Variants in SUGCT observed in about 807,000 individuals in gnomAD.
SUGCT encodes succinyl-CoA:glutarate CoA-transferase.
SUGCT carries 41 observed loss-of-function variants against 55.0 expected under a neutral mutation model. That is an observed-to-expected ratio of 0.74 (90% CI 0.58 to 0.97). The LOEUF is 0.97. Among genes scored for constraint, SUGCT ranks in the 50% least tolerant of loss-of-function variants. The probability of loss-of-function intolerance (pLI) is 0.00; values close to 1 mark genes in which losing one functional copy is unlikely to be tolerated. For missense variants in SUGCT, 568 were observed against 547.8 expected, an observed-to-expected ratio of 1.04 and a Z score of -0.37; for synonymous variants, 187 against 200.4, an observed-to-expected ratio of 0.93 and a Z score of 0.56.
chr7:40,975,758 A>C, the SUGCT span, among the ~76,000 whole-genome samples: 1 of 152,212 alleles, frequency 6.6e-6, no homozygotes, highest in South Asian at 2.1e-4. Flanking sequence ...CTTAGATGCA[A>C]GGGAGAGAGG....
At chr7:40,267,815 C>T (rs1374817467) in intron 7 of SUGCT, among the ~76,000 whole-genome samples, 2 of 152,164 alleles carry the variant, frequency 1.3e-5, no homozygotes, top group Non-Finnish European at 2.9e-5. Flanking sequence ...GGCATTCTGA[C>T]AACTTTTCAA....
chr7:40,180,491 G>A (rs1785135989), intron 1 of SUGCT, among the ~76,000 whole-genome samples: 1 of 151,210 alleles, frequency 6.6e-6, no homozygotes, highest in Non-Finnish European at 1.5e-5. Context: ...TGAGCTTCCA[G>A]TATTTTTTTT....
At chr7:40,200,775 T>G (rs183160689) in intron 6 of SUGCT, among the ~76,000 whole-genome samples, 19 of 152,232 alleles carry the variant, frequency 1.2e-4, no homozygotes, top group Non-Finnish European at 2.4e-4. Context: ...AATTCCTGGT[T>G]GACTGACTTC....
Position 40,567,953 on chromosome 7 carries a change from C to T in SUGCT, c.1089+71567C>T, listed in dbSNP as rs549363395. 2.6e-5 allele frequency among the ~76,000 whole-genome samples: 4 copies of T among 152,312 alleles called. No homozygotes were observed. In the South Asian group the frequency reaches 8.3e-4, roughly 32 times the overall value. On this transcript the variant is annotated intron_variant, in intron 12 of 13. Transcript: ENST00000335693. Reference sequence around the variant, plus strand: ...GAAAGACTGTAACTTATGTAAGACACTAGCTTACATGAGGGCTTATTAGAC... The same window carrying T: ...GAAAGACTGTAACTTATGTAAGACATTAGCTTACATGAGGGCTTATTAGAC...
the SUGCT span, among the ~76,000 whole-genome samples, chr7:40,993,405 CT>C: frequency 6.6e-6 from 1 of 152,180 alleles, no homozygotes; most frequent in Non-Finnish European, 1.5e-5. Flanking sequence ...ATGCGAGAGG[CT>C]TACAAATGGA....
chr7:40,139,135 T>TC (rs1787847214), intron 1 of SUGCT, among the ~76,000 whole-genome samples: 1 of 63,272 alleles, frequency 1.6e-5, no homozygotes, highest in African/African-American at 8.6e-5. Context: ...CAAAAATAAA[T>TC]AAATAAATAA....
chr7:40,552,441 CT>C (rs1211311332), intron 12 of SUGCT, among the ~76,000 whole-genome samples: 6 of 152,078 alleles, frequency 3.9e-5, no homozygotes, highest in African/African-American at 1.4e-4. Flanking sequence ...GTCCCTGCAC[CT>C]GGGCTCACCC....
chr7:40,941,227 C>T, the SUGCT span, among the ~76,000 whole-genome samples: 21 of 152,078 alleles, frequency 1.4e-4, no homozygotes, highest in African/African-American at 4.1e-4. Flanking sequence ...ATGCTGTAAA[C>T]ATTCCTTTTA....
intron 12 of SUGCT, among the ~76,000 whole-genome samples, chr7:40,690,144 A>G (rs548802722): frequency 6.6e-6 from 1 of 152,332 alleles, no homozygotes; most frequent in African/African-American, 2.4e-5. Flanking sequence ...TGTTGAGTCC[A>G]AAAAGGATGC....
At chr7:40,668,389 A>G (rs1801759243) in intron 12 of SUGCT, among the ~76,000 whole-genome samples, 1 of 152,164 alleles carries the variant, frequency 6.6e-6, no homozygotes, top group Non-Finnish European at 1.5e-5. Flanking sequence ...TAGATTCATT[A>G]TATGTAACTG....
At chr7:40,594,851 C>T (rs1237850960) in intron 12 of SUGCT, among the ~76,000 whole-genome samples, 3 of 152,166 alleles carry the variant, frequency 2.0e-5, no homozygotes, top group Non-Finnish European at 2.9e-5. Flanking sequence ...CCCATCTGCT[C>T]GGCTTCCCTG....
At position 40,245,438 on chromosome 7, in the gene SUGCT, T is replaced by A. The variant is rs900989893; in HGVS notation, c.576+7712T>A. Among the ~76,000 whole-genome samples, 74 of 60,202 alleles carry A rather than the reference T, an allele frequency of 1.2e-3. No homozygotes were observed. The East Asian group carries it at 0.015, about 12-fold the overall frequency. 39.5% of individuals were successfully genotyped at this position (60,202 alleles called of 152,430 possible). A position where few individuals can be genotyped will look rare whatever the true frequency, so the allele number is the denominator to read the frequency against. The stretch of plus-strand genomic sequence containing the variant: ...ATATATATATATTTTTTTTTTTTTT[T>A]TTTTTTTTTTTTTTTTTTTGAGATG... On this transcript the variant is annotated intron_variant, in intron 7 of 13. Transcript: ENST00000335693.
At chr7:40,525,546 A>G (rs1452572775) in intron 12 of SUGCT, among the ~76,000 whole-genome samples, 1 of 152,088 alleles carries the variant, frequency 6.6e-6, no homozygotes, top group African/African-American at 2.4e-5. Flanking sequence ...GGCCTGAGAT[A>G]GTGTGAAGGA....
intron 8 of SUGCT, among the ~76,000 whole-genome samples, chr7:40,299,256 T>G (rs1156940338): frequency 1.3e-5 from 2 of 152,182 alleles, no homozygotes; most frequent in African/African-American, 4.8e-5. Context: ...GAAATGGTGA[T>G]GGATATGGAC....
chr7:40,871,711 C>T, the SUGCT span, among the ~76,000 whole-genome samples: 5 of 149,728 alleles, frequency 3.3e-5, no homozygotes, highest in South Asian at 2.2e-4. Context: ...CTGGTATTCA[C>T]GTCTTTCAGT....
intron 13 of SUGCT, among the ~76,000 whole-genome samples, chr7:40,858,015 C>T (rs1794274951): frequency 6.6e-6 from 1 of 152,074 alleles, no homozygotes; most frequent in Admixed American, 6.6e-5. Flanking sequence ...ATTTTAATTT[C>T]CTAACCTTAA....
chr7:40,991,394 A>G, the SUGCT span, among the ~76,000 whole-genome samples: 1 of 152,198 alleles, frequency 6.6e-6, no homozygotes. Flanking sequence ...AGATATAATA[A>G]TAATTTGAAA....
At chr7:40,709,910 G>T (rs75248801) in intron 12 of SUGCT, among the ~76,000 whole-genome samples, 4,276 of 152,256 alleles carry the variant, frequency 0.028, 215 homozygotes, top group African/African-American at 0.097. Flanking sequence ...AGGTGCTGCT[G>T]CTGCTAGTCA....
chr7:40,857,115 T>A (rs10268023), intron 13 of SUGCT, among the ~76,000 whole-genome samples: 28,404 of 152,134 alleles, frequency 0.19, 3,745 homozygotes, highest in East Asian at 0.69. Context: ...GGAACATAGA[T>A]GTTAGTTTGC....
Sources: allele counts gnomAD v4.1 joint callset (sites outside exome capture counted in the v4.1 genomes callset), GRCh38; gene constraint gnomAD v4.1.1; transcripts MANE v1.5; gene names NCBI Gene and HGNC (gene_info 2026-07-23, HGNC 2026-07-21).